Variants in TTC3 observed in about 807,000 individuals in gnomAD.
TTC3 encodes tetratricopeptide repeat domain 3.
In TTC3, 180 loss-of-function variants were observed where a neutral mutation model predicts 249.6. That is an observed-to-expected ratio of 0.72 (90% CI 0.64 to 0.82). The LOEUF (loss-of-function observed/expected upper bound fraction) is 0.82. TTC3 is among the 40% of genes least tolerant of loss of function. TTC3 has a pLI of 0.00. For missense variants in TTC3, 2,061 were observed against 2,398.4 expected, an observed-to-expected ratio of 0.86 and a Z score of 2.94; for synonymous variants, 717 against 805.0, an observed-to-expected ratio of 0.89 and a Z score of 1.85.
At chr21:37,130,749 C>T (rs2077404973) in intron 16 of TTC3, among the ~76,000 whole-genome samples, 1 of 151,988 alleles carries the variant, frequency 6.6e-6, no homozygotes, top group South Asian at 2.1e-4. Context: ...CTCTTCATTC[C>T]TCTTTTCCTC....
chr21:37,103,146 C>T (rs1053922178), intron 10 of TTC3, among the ~76,000 whole-genome samples: 3 of 152,118 alleles, frequency 2.0e-5, no homozygotes, highest in Non-Finnish European at 2.9e-5. Context: ...GAATAATTAG[C>T]AAATCCACAT....
chr21:37,195,802 C>G, exon 42 of TTC3: 1 of 1,614,232 alleles, frequency 6.2e-7, no homozygotes, highest in Non-Finnish European at 8.5e-7. Flanking sequence ...GCTGGTGATT[C>G]CCCAGGGGAG....
chr21:37,117,847 AAAAAAAG>A (rs1401331801), intron 11 of TTC3, among the ~76,000 whole-genome samples: 193 of 151,064 alleles, frequency 1.3e-3, no homozygotes, highest in Non-Finnish European at 1.6e-3. Flanking sequence ...AAAAAAAAAA[AAAAAAAG>A]AAAAAAGAAA....
At chr21:37,159,375 T>C in intron 28 of TTC3, 1 of 235,898 alleles carries the variant, frequency 4.2e-6, no homozygotes, top group Non-Finnish European at 8.1e-6. Context: ...GTTTGTCTGT[T>C]TGTCTTTCTG....
Position 37,185,695 on chromosome 21 carries a change from T to C in TTC3, c.4758-11T>C, listed in dbSNP as rs749587863. 19 of 1,517,912 alleles carry C rather than the reference T, an allele frequency of 1.3e-5. No individual in the cohort carries two copies. The highest frequency in any genetic ancestry group is 1.1e-4 in the Admixed American group (5 of 45,778). 94.0% of individuals were successfully genotyped at this position (1,517,912 alleles called of 1,614,324 possible). The stretch of plus-strand genomic sequence containing the variant: ...AAAATTAATTAATATTTGGTGATTA[T>C]GCTTTTATAGGTATACCCAGAAAAA... On this transcript the variant is annotated splice_polypyrimidine_tract_variant and intron_variant, in intron 36 of 45. Transcript: ENST00000355666.
chr21:37,141,411 A>AGC (rs1601730677), intron 20 of TTC3, among the ~76,000 whole-genome samples: 1 of 102,744 alleles, frequency 9.7e-6, no homozygotes, highest in Non-Finnish European at 1.9e-5. Flanking sequence ...ATTTTGGGGA[A>AGC]TCCCCCCCCC....
chr21:37,114,725 A>G (rs1342835022), intron 11 of TTC3, among the ~76,000 whole-genome samples: 1 of 152,164 alleles, frequency 6.6e-6, no homozygotes, highest in African/African-American at 2.4e-5. Context: ...ATAAAGACAC[A>G]TGCACACATA....
intron 36 of TTC3, among the ~76,000 whole-genome samples, chr21:37,183,204 C>G (rs961207589): frequency 2.0e-5 from 3 of 152,318 alleles, no homozygotes; most frequent in Middle Eastern, 6.8e-3. Flanking sequence ...ATCCCTTTCT[C>G]TGGCCCTCTT....
chr21:37,178,788 C>T (rs1292554808), intron 35 of TTC3, among the ~76,000 whole-genome samples: 1 of 151,906 alleles, frequency 6.6e-6, no homozygotes, highest in African/African-American at 2.4e-5. Flanking sequence ...GGCAAAATCC[C>T]ATCTCTACAA....
exon 18 of TTC3, chr21:37,135,416 A>G (rs778342826): frequency 1.2e-6 from 2 of 1,613,766 alleles, no homozygotes; most frequent in Non-Finnish European, 1.7e-6. Context: ...GAGAAGCTTA[A>G]TTCAAGATGG....
intron 10 of TTC3, chr21:37,100,764 T>C (rs566409147): frequency 6.6e-6 from 1 of 152,288 alleles, no homozygotes; most frequent in Non-Finnish European, 1.5e-5. Context: ...GGATTGTGTT[T>C]ATCCCAGGAC....
rs765889387 is a variant in TTC3, at chr21:37,166,365, AT to A, written c.4155del (p.Phe1385LeufsTer6). The A allele has an allele frequency of 6.2e-7, 1 of 1,614,166 alleles. No homozygotes were observed. Among genetic ancestry groups the A allele is most frequent in the East Asian group, 2.2e-5 (1 of 44,884 alleles). ...AGAGCAGATAAAAATGCTGCTGCCT[AT>A]TTTGAGGGTCATCATTTGAATGCTG... On this transcript the variant is annotated frameshift_variant, in exon 33 of 46. Transcript: ENST00000355666. LOFTEE classifies it high-confidence loss of function.
At chr21:37,109,313 CAA>C (rs953726907) in intron 11 of TTC3, among the ~76,000 whole-genome samples, 1 of 152,176 alleles carries the variant, frequency 6.6e-6, no homozygotes, top group Non-Finnish European at 1.5e-5. Context: ...CTTTCCTAGT[CAA>C]AGAAAGGGGT....
chr21:37,092,563 G>A (rs2073411688), intron 7 of TTC3, among the ~76,000 whole-genome samples: 2 of 152,176 alleles, frequency 1.3e-5, no homozygotes, highest in African/African-American at 4.8e-5. Context: ...ACTTTGAGAG[G>A]TTAAGTGTTG....
chr21:37,183,289 AT>A (rs1341556408), intron 36 of TTC3, among the ~76,000 whole-genome samples: 11 of 152,152 alleles, frequency 7.2e-5, no homozygotes, highest in African/African-American at 2.7e-4. Context: ...TGTGATGATT[AT>A]TTATAATTAC....
chr21:37,173,763 C>T (rs1193422581), intron 35 of TTC3, among the ~76,000 whole-genome samples: 2 of 152,098 alleles, frequency 1.3e-5, no homozygotes, highest in Admixed American at 6.5e-5. Context: ...TAACATTCCC[C>T]AGGACCTGTT....
In TTC3 at chr21:37,198,043, GT is replaced by G; in HGVS notation, c.5850+22del. ...TGAGGATTGTATGTATAACTGTATA[GT>G]TTTGTTTTTTAATGAAAAACAAGAA... On this transcript the variant is annotated intron_variant, in intron 44 of 45. Coordinates refer to ENST00000355666, the Ensembl canonical transcript of TTC3. The G allele has an allele frequency of 1.3e-6, 2 of 1,549,084 alleles. No individual in the cohort carries two copies. Among genetic ancestry groups the G allele is most frequent in the Non-Finnish European group, 1.7e-6 (2 of 1,147,370 alleles).
chr21:37,101,261 C>A (rs1057199989), intron 10 of TTC3: 3 of 152,128 alleles, frequency 2.0e-5, no homozygotes, highest in African/African-American at 7.2e-5. Context: ...CTTTAACTAA[C>A]TCTTCTCTTG....
chr21:37,083,161 A>C, intron 1 of TTC3: 4 of 985,398 alleles, frequency 4.1e-6, no homozygotes, highest in Non-Finnish European at 4.8e-6. Context: ...TGCTTCCTGA[A>C]ATTGAGTATT....
Sources: allele counts gnomAD v4.1 joint callset (sites outside exome capture counted in the v4.1 genomes callset), GRCh38; gene constraint gnomAD v4.1.1; transcripts MANE v1.5; gene names NCBI Gene and HGNC (gene_info 2026-07-23, HGNC 2026-07-21).